The following LRRTM4 variants were observed in gnomAD, a reference collection of about 807,000 sequenced individuals.
The protein encoded by LRRTM4 is leucine-rich repeat transmembrane neuronal protein 4.
A neutral mutation model predicts 47.6 loss-of-function variants in LRRTM4; 25 were observed. That is an observed-to-expected ratio of 0.53 (90% CI 0.38 to 0.73). The LOEUF (loss-of-function observed/expected upper bound fraction) is 0.73. Among genes scored for constraint, LRRTM4 ranks in the 30% least tolerant of loss-of-function variants. LRRTM4 has a pLI of 0.00. For missense variants in LRRTM4, 638 were observed against 713.4 expected (o/e 0.89, Z 1.20); for synonymous variants, 311 against 269.5 (o/e 1.15, Z -1.51).
intron 3 of LRRTM4, among the ~76,000 whole-genome samples, chr2:76,966,453 AAAAG>A (rs1474663546): frequency 1.3e-5 from 2 of 151,440 alleles, no homozygotes; most frequent in South Asian, 4.1e-4. Context: ...ACTTAGTAAT[AAAAG>A]AAACAAATAT....
chr2:77,515,631 T>C (rs1679178095), intron 3 of LRRTM4, among the ~76,000 whole-genome samples: 1 of 151,800 alleles, frequency 6.6e-6, no homozygotes, highest in Non-Finnish European at 1.5e-5. Flanking sequence ...CTCACAAAAA[T>C]GTCTTATAAA....
chr2:76,812,296 G>A (rs1670757571), intron 3 of LRRTM4, among the ~76,000 whole-genome samples: 2 of 152,098 alleles, frequency 1.3e-5, no homozygotes, highest in African/African-American at 4.8e-5. Flanking sequence ...ATTATATTAT[G>A]TATATGCCTG....
chr2:76,756,945 A>G (rs1331899238), intron 3 of LRRTM4, among the ~76,000 whole-genome samples: 1 of 152,148 alleles, frequency 6.6e-6, no homozygotes, highest in East Asian at 1.9e-4. Flanking sequence ...CAATAATCAT[A>G]CCCTTTCTTT....
chr2:77,112,686 G>T (rs771197551), intron 3 of LRRTM4, among the ~76,000 whole-genome samples: 2 of 151,264 alleles, frequency 1.3e-5, no homozygotes, highest in African/African-American at 4.9e-5. Flanking sequence ...ACATAAATCA[G>T]AGAACTCAGA....
At chr2:77,415,178 T>A (rs1256942246) in intron 3 of LRRTM4, among the ~76,000 whole-genome samples, 3 of 152,190 alleles carry the variant, frequency 2.0e-5, no homozygotes, top group African/African-American at 7.2e-5. Flanking sequence ...TTTGTATACA[T>A]TTTTTTCTGA....
intron 3 of LRRTM4, among the ~76,000 whole-genome samples, chr2:77,023,361 C>T (rs2121408): frequency 0.12 from 18,805 of 152,196 alleles, 1,445 homozygotes; most frequent in Admixed American, 0.19. Flanking sequence ...TTTCCCATTG[C>T]CTTGGGGATT....
chr2:76,886,978 A>G (rs940639747), intron 3 of LRRTM4, among the ~76,000 whole-genome samples: 1 of 151,952 alleles, frequency 6.6e-6, no homozygotes, highest in Non-Finnish European at 1.5e-5. Flanking sequence ...ATATTTGTCT[A>G]TGAGTTTAAA....
At chr2:77,510,125 T>C (rs1264287434) in intron 3 of LRRTM4, among the ~76,000 whole-genome samples, 2 of 152,162 alleles carry the variant, frequency 1.3e-5, no homozygotes, top group Non-Finnish European at 2.9e-5. Context: ...CAATTTACAA[T>C]TGTAAATATC....
At chr2:76,836,368 C>A (rs1432530488) in intron 3 of LRRTM4, among the ~76,000 whole-genome samples, 1 of 151,794 alleles carries the variant, frequency 6.6e-6, no homozygotes. Context: ...TTGCTCAACA[C>A]ATATTATCTT....
intron 3 of LRRTM4, among the ~76,000 whole-genome samples, chr2:76,824,507 T>A (rs1671138956): frequency 6.6e-6 from 1 of 150,940 alleles, no homozygotes; most frequent in Non-Finnish European, 1.5e-5. Flanking sequence ...AGCAGGCTAC[T>A]TTATTTTGAA....
chr2:76,909,928 G>A (rs1573298836), intron 3 of LRRTM4, among the ~76,000 whole-genome samples: 1 of 152,330 alleles, frequency 6.6e-6, no homozygotes, highest in South Asian at 2.1e-4. Flanking sequence ...CATTGTGGAA[G>A]TCAGTGTGGT....
intron 3 of LRRTM4, among the ~76,000 whole-genome samples, chr2:77,045,585 C>G (rs1430206641): frequency 6.6e-6 from 1 of 151,796 alleles, no homozygotes; most frequent in Non-Finnish European, 1.5e-5. Flanking sequence ...TCCTGTGCTA[C>G]TCTCCTGATA....
At chr2:77,422,389 T>G (rs1233689573) in intron 3 of LRRTM4, among the ~76,000 whole-genome samples, 1 of 152,184 alleles carries the variant, frequency 6.6e-6, no homozygotes, top group Non-Finnish European at 1.5e-5. Context: ...TGCATCCATG[T>G]CTGATGCAGA....
At chr2:76,862,579 C>A (rs771325978) in intron 3 of LRRTM4, among the ~76,000 whole-genome samples, 3 of 151,992 alleles carry the variant, frequency 2.0e-5, no homozygotes, top group African/African-American at 7.3e-5. Context: ...CCTTCCTGAC[C>A]GAAAGAAAAA....
chr2:77,422,162 G>T (rs935459947), intron 3 of LRRTM4, among the ~76,000 whole-genome samples: 1 of 152,160 alleles, frequency 6.6e-6, no homozygotes, highest in African/African-American at 2.4e-5. Context: ...TCTCAGAATG[G>T]ATCCTCATTG....
chr2:76,921,271 T>C (rs1465032566), intron 3 of LRRTM4, among the ~76,000 whole-genome samples: 1 of 152,126 alleles, frequency 6.6e-6, no homozygotes, highest in African/African-American at 2.4e-5. Flanking sequence ...ATTTTTCTAA[T>C]GTTTTTCTGA....
chr2:76,892,516 C>T (rs1673287650), intron 3 of LRRTM4, among the ~76,000 whole-genome samples: 1 of 151,608 alleles, frequency 6.6e-6, no homozygotes, highest in Admixed American at 6.6e-5. Context: ...CTAATTTATG[C>T]TTTCTGAAAA....
At chr2:76,780,748 T>C (rs1212930740) in intron 3 of LRRTM4, among the ~76,000 whole-genome samples, 1 of 152,208 alleles carries the variant, frequency 6.6e-6, no homozygotes, top group Non-Finnish European at 1.5e-5. Context: ...TGAAGTCTTC[T>C]TCTCTCAGCT....
At chr2:76,939,860 A>G (rs1200732873) in intron 3 of LRRTM4, among the ~76,000 whole-genome samples, 3 of 152,120 alleles carry the variant, frequency 2.0e-5, no homozygotes, top group African/African-American at 7.2e-5. Flanking sequence ...ATCTTGGAGA[A>G]TTTTCCCAGA....
Sources: allele counts gnomAD v4.1 joint callset (sites outside exome capture counted in the v4.1 genomes callset), GRCh38; gene constraint gnomAD v4.1.1; transcripts MANE v1.5; gene names NCBI Gene and HGNC (gene_info 2026-07-23, HGNC 2026-07-21).